LRRC4C: variants seen among roughly 807,000 people sequenced by gnomAD.
LRRC4C encodes the protein leucine rich repeat containing 4C.
Under a neutral mutation model 33.6 loss-of-function variants are expected in LRRC4C, and 5 were observed. That is an observed-to-expected ratio of 0.15 (90% CI 0.08 to 0.31). The LOEUF is 0.31. LRRC4C is among the 10% of genes least tolerant of loss of function. The probability of loss-of-function intolerance (pLI) is 1.00; values close to 1 mark genes in which losing one functional copy is unlikely to be tolerated. For missense variants in LRRC4C, 560 were observed against 796.7 expected, an observed-to-expected ratio of 0.70 and a Z score of 3.58; for synonymous variants, 329 against 302.0, an observed-to-expected ratio of 1.09 and a Z score of -0.93.
chr11:40,506,211 TATA>T (rs1243179659), intron 3 of LRRC4C, among the ~76,000 whole-genome samples: 2 of 152,204 alleles, frequency 1.3e-5, no homozygotes, highest in African/African-American at 4.8e-5. Flanking sequence ...TAATTCAATT[TATA>T]ATGATGAGAT....
At chr11:40,911,276 C>A (rs1405844658) in intron 2 of LRRC4C, among the ~76,000 whole-genome samples, 2 of 152,172 alleles carry the variant, frequency 1.3e-5, no homozygotes, top group African/African-American at 4.8e-5. Flanking sequence ...CCCCGAGTAG[C>A]CCAACTGGGA....
At chr11:40,981,134 G>A (rs190432410) in intron 1 of LRRC4C, among the ~76,000 whole-genome samples, 3 of 152,118 alleles carry the variant, frequency 2.0e-5, no homozygotes, top group Non-Finnish European at 2.9e-5. Flanking sequence ...TCTAATTGGC[G>A]GCTGGGCGAG....
intron 1 of LRRC4C, among the ~76,000 whole-genome samples, chr11:41,117,034 C>CT (rs1178652569): frequency 1.3e-5 from 2 of 151,242 alleles, no homozygotes; most frequent in African/African-American, 4.9e-5. Flanking sequence ...AGTAGAATGT[C>CT]TAACAGTTTG....
chr11:41,033,443 C>T (rs1454898011), intron 1 of LRRC4C, among the ~76,000 whole-genome samples: 2 of 152,060 alleles, frequency 1.3e-5, no homozygotes, highest in South Asian at 2.1e-4. Context: ...AGCTGGGATA[C>T]ATCTCAGCCA....
At chr11:40,651,176 G>T (rs1409283434) in intron 2 of LRRC4C, among the ~76,000 whole-genome samples, 1 of 152,178 alleles carries the variant, frequency 6.6e-6, no homozygotes, top group African/African-American at 2.4e-5. Flanking sequence ...TATGAATAAA[G>T]TCTTTGTAAA....
intron 1 of LRRC4C, among the ~76,000 whole-genome samples, chr11:41,250,349 GTTTCTTGACT>G (rs1208839085): frequency 5.3e-5 from 8 of 152,300 alleles, no homozygotes; most frequent in African/African-American, 1.7e-4. Context: ...CATCTTGGGA[GTTTCTTGACT>G]TTCAAAATAT....
At chr11:41,102,343 C>G (rs183261458) in intron 1 of LRRC4C, among the ~76,000 whole-genome samples, 48 of 152,080 alleles carry the variant, frequency 3.2e-4, no homozygotes, top group Non-Finnish European at 5.7e-4. Flanking sequence ...CTCTCTAGTA[C>G]TCTTGTCTGG....
intron 3 of LRRC4C, among the ~76,000 whole-genome samples, chr11:40,639,818 T>C (rs778677861): frequency 6.6e-6 from 1 of 152,224 alleles, no homozygotes; most frequent in Non-Finnish European, 1.5e-5. Flanking sequence ...CCGTGATTTT[T>C]CAGCATATTT....
At chr11:41,099,215 C>T (rs192687595) in intron 1 of LRRC4C, among the ~76,000 whole-genome samples, 1 of 151,764 alleles carries the variant, frequency 6.6e-6, no homozygotes, top group Non-Finnish European at 1.5e-5. Flanking sequence ...CCAAAAAAAG[C>T]CCAGGTCTCT....
intron 3 of LRRC4C, among the ~76,000 whole-genome samples, chr11:40,479,849 A>G (rs1217350292): frequency 2.0e-5 from 3 of 152,172 alleles, no homozygotes; most frequent in African/African-American, 7.2e-5. Context: ...TTGATAATCT[A>G]GGTTCAGACC....
At chr11:41,052,030 T>C (rs1370153002) in intron 1 of LRRC4C, among the ~76,000 whole-genome samples, 1 of 152,156 alleles carries the variant, frequency 6.6e-6, no homozygotes, top group Non-Finnish European at 1.5e-5. Context: ...AACATGTTTA[T>C]TGAAATCCTC....
At chr11:40,675,857 T>G (rs1944373014) in intron 2 of LRRC4C, among the ~76,000 whole-genome samples, 1 of 152,150 alleles carries the variant, frequency 6.6e-6, no homozygotes, top group Non-Finnish European at 1.5e-5. Context: ...CAGTCTAAAT[T>G]TCTAAATTTG....
chr11:40,402,798 A>T (rs942863104), intron 3 of LRRC4C, among the ~76,000 whole-genome samples: 2 of 152,120 alleles, frequency 1.3e-5, no homozygotes, highest in Non-Finnish European at 2.9e-5. Context: ...ATCCTCATGA[A>T]ATCCTTAGAA....
intron 1 of LRRC4C, among the ~76,000 whole-genome samples, chr11:41,341,344 T>G (rs531738861): frequency 7.6e-4 from 116 of 152,310 alleles, no homozygotes; most frequent in African/African-American, 2.7e-3. Flanking sequence ...ATAAAATGAC[T>G]TCTTTCCTTA....
At chr11:41,215,137 A>G (rs1225663728) in intron 1 of LRRC4C, among the ~76,000 whole-genome samples, 1 of 151,226 alleles carries the variant, frequency 6.6e-6, no homozygotes, top group East Asian at 1.9e-4. Context: ...ACTTTACAGA[A>G]TTGTGCAATA....
At chr11:40,222,513 CTT>C (rs1327587089) in intron 5 of LRRC4C, among the ~76,000 whole-genome samples, 1 of 152,122 alleles carries the variant, frequency 6.6e-6, no homozygotes, top group Non-Finnish European at 1.5e-5. Flanking sequence ...TCTTTATAAA[CTT>C]AATTTTAATT....
intron 3 of LRRC4C, among the ~76,000 whole-genome samples, chr11:40,393,422 A>G (rs917827266): frequency 6.6e-6 from 1 of 152,188 alleles, no homozygotes; most frequent in African/African-American, 2.4e-5. Context: ...TGAAATGACT[A>G]TTGACACATT....
At chr11:40,362,790 G>A (rs1350810883) in intron 3 of LRRC4C, among the ~76,000 whole-genome samples, 5 of 152,086 alleles carry the variant, frequency 3.3e-5, no homozygotes, top group Admixed American at 1.3e-4. Context: ...GCAGACACAC[G>A]TGAAGCCAAC....
chr11:40,532,872 C>G (rs1956325662), intron 3 of LRRC4C, among the ~76,000 whole-genome samples: 1 of 152,048 alleles, frequency 6.6e-6, no homozygotes, highest in Admixed American at 6.6e-5. Context: ...GGAGAGGCCT[C>G]AAGAAACTTA....
Sources: gnomAD v4.1 joint callset for allele counts (sites outside exome capture counted in the v4.1 genomes callset) on GRCh38, gnomAD v4.1.1 for gene constraint, MANE v1.5 for transcripts, NCBI Gene and HGNC (gene_info 2026-07-23, HGNC 2026-07-21) for gene names.